Variants in AGMO observed in about 807,000 individuals in gnomAD.
AGMO encodes the protein glyceryl-ether monooxygenase.
In AGMO, 75 loss-of-function variants were observed where a neutral mutation model predicts 60.2. That is an observed-to-expected ratio of 1.25 (90% CI 1.03 to 1.51). The LOEUF (loss-of-function observed/expected upper bound fraction) is 1.51. Among genes scored for constraint, AGMO ranks in the 40% most tolerant of loss-of-function variants. The pLI is 0.00. For synonymous variants in AGMO, 261 were observed against 177.1 expected (o/e 1.47, Z -3.76); for missense variants, 763 against 525.5 (o/e 1.45, Z -4.42).
intron 3 of AGMO, among the ~76,000 whole-genome samples, chr7:15,530,800 C>CTATATATACATTTCTA (rs1562556167): frequency 2.4e-5 from 3 of 122,590 alleles, no homozygotes; most frequent in African/African-American, 3.3e-5. Flanking sequence ...ATACATTTCT[C>CTATATATACATTTCTA]TATATATTCT....
intron 12 of AGMO, among the ~76,000 whole-genome samples, chr7:15,336,214 T>G (rs1486628328): frequency 6.6e-6 from 1 of 152,084 alleles, no homozygotes; most frequent in Non-Finnish European, 1.5e-5. Context: ...TAGCACAAAT[T>G]ATGATGGCAA....
intron 2 of AGMO, among the ~76,000 whole-genome samples, chr7:15,546,290 C>T (rs901981061): frequency 6.6e-6 from 1 of 152,094 alleles, no homozygotes; most frequent in Non-Finnish European, 1.5e-5. Flanking sequence ...CAATTTTGAA[C>T]AGGAGTACAC....
intron 2 of AGMO, among the ~76,000 whole-genome samples, chr7:15,555,460 C>A (rs1465226749): frequency 2.6e-5 from 4 of 151,610 alleles, no homozygotes; most frequent in African/African-American, 7.3e-5. Context: ...GCCACTTTTG[C>A]TCCATCTAGT....
chr7:15,273,891 A>T (rs1783696335), intron 12 of AGMO, among the ~76,000 whole-genome samples: 1 of 152,232 alleles, frequency 6.6e-6, no homozygotes, highest in South Asian at 2.1e-4. Flanking sequence ...GCAATTGTGA[A>T]TGGGAGTTCT....
rs566803053 is a variant in AGMO at position 15,229,740 on chromosome 7, A to AAT, written c.1264-28383_1264-28382dup. Among the ~76,000 whole-genome samples the AAT allele has an allele frequency of 2.7e-3, 398 of 147,188 alleles. 6 individuals carry two copies. The highest frequency in any genetic ancestry group is 9.2e-3 in the East Asian group (47 of 5,122). Reference sequence around the variant, plus strand: ...ATATTATATATAAATTATATATTATAATATATATAAATAATTAGTTATATA... The same window carrying AAT: ...ATATTATATATAAATTATATATTATAATATATATATAAATAATTAGTTATATA... On this transcript the variant is annotated intron_variant, in intron 12 of 12. Coordinates refer to ENST00000342526, the MANE Select transcript of AGMO (RefSeq NM_001004320.2).
chr7:15,273,212 TC>T (rs1160832051), intron 12 of AGMO, among the ~76,000 whole-genome samples: 1 of 152,230 alleles, frequency 6.6e-6, no homozygotes, highest in Admixed American at 6.5e-5. Flanking sequence ...CATGCCTATG[TC>T]CTGAATGGTA....
intron 5 of AGMO, among the ~76,000 whole-genome samples, chr7:15,410,570 A>G (rs935613846): frequency 6.6e-6 from 1 of 151,944 alleles, no homozygotes; most frequent in Non-Finnish European, 1.5e-5. Context: ...CATTAAAATT[A>G]TGTCACAAAA....
chr7:15,548,706 T>A (rs1425570412), intron 2 of AGMO, among the ~76,000 whole-genome samples: 9 of 152,148 alleles, frequency 5.9e-5, no homozygotes, highest in Admixed American at 4.6e-4. Flanking sequence ...TGCCTGAAGG[T>A]GATGGGGAGA....
intron 10 of AGMO, among the ~76,000 whole-genome samples, chr7:15,380,182 G>T (rs529544283): frequency 6.6e-6 from 1 of 152,144 alleles, no homozygotes; most frequent in East Asian, 1.9e-4. Flanking sequence ...GCAAGAGAAA[G>T]AAACAAAGGG....
intron 3 of AGMO, among the ~76,000 whole-genome samples, chr7:15,473,681 T>C (rs970633432): frequency 1.3e-5 from 2 of 152,102 alleles, no homozygotes; most frequent in East Asian, 3.9e-4. Flanking sequence ...TCACCACTCC[T>C]ATTCAACTTA....
intron 12 of AGMO, among the ~76,000 whole-genome samples, chr7:15,309,139 C>G (rs1780694316): frequency 6.6e-6 from 1 of 152,112 alleles, no homozygotes; most frequent in Non-Finnish European, 1.5e-5. Flanking sequence ...ATGAAAGAGA[C>G]ATGGCCTTTA....
intron 3 of AGMO, among the ~76,000 whole-genome samples, chr7:15,460,289 A>C (rs1416436094): frequency 1.3e-5 from 2 of 151,958 alleles, no homozygotes; most frequent in Non-Finnish European, 2.9e-5. Context: ...GGGTTTCGCC[A>C]TGTTGGCCAG....
chr7:15,247,416 A>ACT (rs1175148218), intron 12 of AGMO, among the ~76,000 whole-genome samples: 8 of 53,604 alleles, frequency 1.5e-4, no homozygotes, highest in Non-Finnish European at 3.0e-4. Flanking sequence ...TGGAGATTTC[A>ACT]CACACACACA....
intron 12 of AGMO, among the ~76,000 whole-genome samples, chr7:15,251,245 A>G (rs1186888759): frequency 2.6e-5 from 4 of 152,150 alleles, no homozygotes; most frequent in Non-Finnish European, 5.9e-5. Context: ...CACATGACCA[A>G]TATGAGCCAA....
intron 5 of AGMO, among the ~76,000 whole-genome samples, chr7:15,411,754 GT>G (rs1349652524): frequency 2.0e-5 from 3 of 151,820 alleles, no homozygotes; most frequent in African/African-American, 7.3e-5. Flanking sequence ...CACTAAACAT[GT>G]TTCTCTACAA....
chr7:15,130,069 T>C, the AGMO span, among the ~76,000 whole-genome samples: 2 of 152,152 alleles, frequency 1.3e-5, no homozygotes, highest in South Asian at 2.1e-4. Context: ...CCTCCCCCTT[T>C]GCAATTTTAA....
intron 12 of AGMO, among the ~76,000 whole-genome samples, chr7:15,229,727 A>T (rs56317494): frequency 2.1e-4 from 31 of 146,372 alleles, no homozygotes; most frequent in African/African-American, 7.5e-4. Context: ...ATTATATATA[A>T]ATTATATATT....
intron 4 of AGMO, among the ~76,000 whole-genome samples, chr7:15,430,188 C>T (rs1255849964): frequency 2.0e-5 from 3 of 151,776 alleles, no homozygotes; most frequent in Admixed American, 6.6e-5. Context: ...AACAAAAGTA[C>T]CTTGCAAAGT....
chr7:15,121,493 G>C, the AGMO span, among the ~76,000 whole-genome samples: 1 of 152,084 alleles, frequency 6.6e-6, no homozygotes, highest in African/African-American at 2.4e-5. Context: ...GTTGTTTCCA[G>C]ACTTTTTAAT....
Sources: gnomAD v4.1 joint callset for allele counts (sites outside exome capture counted in the v4.1 genomes callset) on GRCh38, gnomAD v4.1.1 for gene constraint, MANE v1.5 for transcripts, NCBI Gene and HGNC (gene_info 2026-07-23, HGNC 2026-07-21) for gene names.